PPM1E: variants seen among roughly 807,000 people sequenced by gnomAD.
The protein encoded by PPM1E is protein phosphatase, Mg2+/Mn2+ dependent 1E, also known as protein phosphatase 1E.
A neutral mutation model predicts 65.9 loss-of-function variants in PPM1E; 20 were observed. The ratio of observed to expected loss-of-function variants is 0.30; its 90% confidence interval spans 0.21 to 0.44. The LOEUF is 0.44. Ranked by LOEUF, PPM1E falls within the 20% of genes least tolerant of loss-of-function variation. The probability of loss-of-function intolerance (pLI) is 1.00; values close to 1 mark genes in which losing one functional copy is unlikely to be tolerated. For missense variants in PPM1E, 713 were observed against 953.1 expected (o/e 0.75, Z 3.32); for synonymous variants, 352 against 374.9 (o/e 0.94, Z 0.70).
At chr17:58,967,289 T>C (rs2030312114) in intron 3 of PPM1E, among the ~76,000 whole-genome samples, 1 of 152,170 alleles carries the variant, frequency 6.6e-6, no homozygotes, top group African/African-American at 2.4e-5. Context: ...ATAAATGTTT[T>C]TACAACATTG....
chr17:58,976,209 C>T (rs1287753908), intron 6 of PPM1E, among the ~76,000 whole-genome samples: 1 of 152,068 alleles, frequency 6.6e-6, no homozygotes, highest in Non-Finnish European at 1.5e-5. Flanking sequence ...GCAGCACAGG[C>T]TCACTGTTAG....
chr17:58,970,515 A>C (rs976191454), intron 4 of PPM1E, among the ~76,000 whole-genome samples: 14 of 152,224 alleles, frequency 9.2e-5, no homozygotes, highest in Non-Finnish European at 1.9e-4. Flanking sequence ...CTTAAACATT[A>C]ACTCTTTTTA....
chr17:58,837,322 C>CACACAT (rs1199599660), intron 1 of PPM1E, among the ~76,000 whole-genome samples: 1,315 of 65,598 alleles, frequency 0.02, 26 homozygotes, highest in Middle Eastern at 0.082. Flanking sequence ...ATGAGAATAA[C>CACACAT]ACACACACAT....
chr17:58,972,045 GA>G, intron 4 of PPM1E, 86 bp from the exon 5 acceptor site: 1 of 1,323,944 alleles, frequency 7.6e-7, no homozygotes, highest in Non-Finnish European at 1.0e-6. Flanking sequence ...GCTCCCAGCT[GA>G]AAAGCTTAAT....
chr17:58,888,046 A>C (rs2051297559), intron 1 of PPM1E, among the ~76,000 whole-genome samples: 1 of 152,214 alleles, frequency 6.6e-6, no homozygotes, highest in Non-Finnish European at 1.5e-5. Context: ...AGCAACTGGA[A>C]GAATGGAATT....
At chr17:58,976,520 C>G (rs1184067464) in intron 6 of PPM1E, among the ~76,000 whole-genome samples, 1 of 152,154 alleles carries the variant, frequency 6.6e-6, no homozygotes, top group Non-Finnish European at 1.5e-5. Flanking sequence ...AGAAATGATA[C>G]TTATAAAAAT....
At chr17:58,957,986 T>A (rs1479935860) in intron 2 of PPM1E, among the ~76,000 whole-genome samples, 1 of 151,880 alleles carries the variant, frequency 6.6e-6, no homozygotes, top group Non-Finnish European at 1.5e-5. Context: ...CTACAAAAAA[T>A]TTAAAAATTA....
intron 1 of PPM1E, among the ~76,000 whole-genome samples, chr17:58,898,659 G>T (rs1224691475): frequency 2.0e-5 from 3 of 152,106 alleles, no homozygotes; most frequent in Admixed American, 1.3e-4. Flanking sequence ...CCATTACTGG[G>T]CATATACCCA....
intron 1 of PPM1E, among the ~76,000 whole-genome samples, chr17:58,906,732 G>C (rs2051562826): frequency 1.3e-5 from 2 of 151,448 alleles, no homozygotes; most frequent in African/African-American, 2.4e-5. Flanking sequence ...GATTTAATTT[G>C]CTCTTCTTTT....
intron 1 of PPM1E, among the ~76,000 whole-genome samples, chr17:58,943,208 AT>A (rs2052098742): frequency 6.6e-6 from 1 of 152,092 alleles, no homozygotes; most frequent in Admixed American, 6.6e-5. Context: ...AAAAATAAAA[AT>A]TCCAAATCTC....
intron 2 of PPM1E, among the ~76,000 whole-genome samples, chr17:58,958,999 T>C (rs932276462): frequency 6.6e-6 from 1 of 152,012 alleles, no homozygotes; most frequent in African/African-American, 2.4e-5. Flanking sequence ...AGACGAGTCT[T>C]AGTTGTCAAC....
At chr17:58,924,198 G>A (rs1816642948) in intron 1 of PPM1E, among the ~76,000 whole-genome samples, 1 of 150,030 alleles carries the variant, frequency 6.7e-6, no homozygotes, top group African/African-American at 2.4e-5. Context: ...GGCATTACAG[G>A]TGTGAGCCAC....
At chr17:58,884,261 C>T (rs370118518) in intron 1 of PPM1E, among the ~76,000 whole-genome samples, 49 of 152,294 alleles carry the variant, frequency 3.2e-4, no homozygotes, top group African/African-American at 1.1e-3. Context: ...TCCCAACTTA[C>T]CCCCAGTTCC....
chr17:58,976,609 T>C (rs948090927), intron 6 of PPM1E, among the ~76,000 whole-genome samples: 1 of 152,210 alleles, frequency 6.6e-6, no homozygotes, highest in African/African-American at 2.4e-5. Context: ...ATATGTTTCC[T>C]AACATATGGA....
intron 1 of PPM1E, among the ~76,000 whole-genome samples, chr17:58,778,950 A>G (rs1348797917): frequency 7.0e-6 from 1 of 143,376 alleles, no homozygotes; most frequent in African/African-American, 2.5e-5. Flanking sequence ...ATATATATAT[A>G]TATATATATA....
chr17:58,834,857 C>T (rs1485314859), intron 1 of PPM1E, among the ~76,000 whole-genome samples: 1 of 152,062 alleles, frequency 6.6e-6, no homozygotes, highest in Non-Finnish European at 1.5e-5. Context: ...ATTCTTTTAG[C>T]TATTCTAGTT....
intron 1 of PPM1E, among the ~76,000 whole-genome samples, chr17:58,789,912 G>A (rs769226324): frequency 3.9e-5 from 6 of 152,020 alleles, no homozygotes; most frequent in Non-Finnish European, 7.4e-5. Flanking sequence ...GTCTCATTCT[G>A]CCACCAGAAA....
intron 1 of PPM1E, among the ~76,000 whole-genome samples, chr17:58,883,609 G>A (rs1213566850): frequency 3.4e-5 from 5 of 147,190 alleles, no homozygotes; most frequent in African/African-American, 5.0e-5. Flanking sequence ...TCAGCCTCCC[G>A]CGTAGCTGGG....
At chr17:58,953,457 C>A (rs2052268274) in intron 1 of PPM1E, among the ~76,000 whole-genome samples, 1 of 152,106 alleles carries the variant, frequency 6.6e-6, no homozygotes, top group Non-Finnish European at 1.5e-5. Context: ...TCAGATCTCA[C>A]AGGAACTAAT....
Sources: gnomAD v4.1 joint callset for allele counts (sites outside exome capture counted in the v4.1 genomes callset) on GRCh38, gnomAD v4.1.1 for gene constraint, MANE v1.5 for transcripts, NCBI Gene and HGNC (gene_info 2026-07-23, HGNC 2026-07-21) for gene names.